NAALADL2: variants seen among roughly 807,000 people sequenced by gnomAD.
NAALADL2 encodes N-acetylated alpha-linked acidic dipeptidase like 2, also known as inactive N-acetylated-alpha-linked acidic dipeptidase-like protein 2.
Under a neutral mutation model 87.2 loss-of-function variants are expected in NAALADL2, and 76 were observed. The observed-to-expected ratio is 0.87, with a 90% CI of 0.72 to 1.05. NAALADL2 has a LOEUF of 1.05. NAALADL2 is among the 50% of genes least tolerant of loss of function. The pLI, the probability that NAALADL2 is intolerant of heterozygous loss-of-function variation, is 0.00. For missense variants in NAALADL2, 1,089 were observed against 945.8 expected (o/e 1.15, Z -1.99); for synonymous variants, 354 against 331.0 (o/e 1.07, Z -0.75).
At chr3:174,754,288 C>G (rs1031640488) in intron 3 of NAALADL2, among the ~76,000 whole-genome samples, 14 of 151,782 alleles carry the variant, frequency 9.2e-5, no homozygotes, top group African/African-American at 3.4e-4. Context: ...GAAGGTTACA[C>G]AGAAGTATAA....
At chr3:174,902,284 T>G (rs1206146809) in intron 1 of NAALADL2, among the ~76,000 whole-genome samples, 1 of 152,162 alleles carries the variant, frequency 6.6e-6, no homozygotes, top group African/African-American at 2.4e-5. Context: ...ACCCTCTATT[T>G]ATAAATTTCT....
intron 2 of NAALADL2, among the ~76,000 whole-genome samples, chr3:174,624,758 A>G (rs1721386873): frequency 6.6e-6 from 1 of 152,180 alleles, no homozygotes; most frequent in Non-Finnish European, 1.5e-5. Context: ...TTTCATTTGT[A>G]ACTTTGAAAG....
chr3:174,679,787 A>G (rs1422550747), intron 2 of NAALADL2, among the ~76,000 whole-genome samples: 1 of 152,212 alleles, frequency 6.6e-6, no homozygotes, highest in Non-Finnish European at 1.5e-5. Context: ...ATATATTGCA[A>G]AATATTAATT....
chr3:174,604,754 T>C (rs1718818834), intron 2 of NAALADL2, among the ~76,000 whole-genome samples: 1 of 151,800 alleles, frequency 6.6e-6, no homozygotes, highest in Non-Finnish European at 1.5e-5. Context: ...GTTTTGTTCT[T>C]TTCTTTTCTT....
At chr3:175,594,270 T>G (rs910374419) in intron 10 of NAALADL2, among the ~76,000 whole-genome samples, 8 of 152,174 alleles carry the variant, frequency 5.3e-5, no homozygotes, top group African/African-American at 1.7e-4. Flanking sequence ...TGTTCCTGCA[T>G]TAATTCATTT....
Position 175,617,672 on chromosome 3 carries a change from GT to G in NAALADL2, c.1801-9618del, listed in dbSNP as rs1295311810. On this transcript the variant is annotated intron_variant, in intron 10 of 13. Transcript: ENST00000454872. Reference sequence around the variant, plus strand: ...GTGGCCACTTTCAGAGCACTATCTGGTCCTATGGCCTGTTTCTGTAGCTTCC... The same window carrying G: ...GTGGCCACTTTCAGAGCACTATCTGGCCTATGGCCTGTTTCTGTAGCTTCC... Among the ~76,000 whole-genome samples the G allele has an allele frequency of 4.6e-5, 7 of 152,130 alleles. 1 individual carries two copies. Among genetic ancestry groups the G allele is most frequent in the Non-Finnish European group, 2.9e-5 (2 of 68,018 alleles).
At chr3:175,618,010 C>T (rs1560858409) in intron 10 of NAALADL2, among the ~76,000 whole-genome samples, 1 of 152,188 alleles carries the variant, frequency 6.6e-6, no homozygotes, top group African/African-American at 2.4e-5. Context: ...TAAGGCTCAT[C>T]CCCTTCCTTG....
At chr3:174,980,239 T>A (rs139075922) in intron 1 of NAALADL2, among the ~76,000 whole-genome samples, 10 of 152,378 alleles carry the variant, frequency 6.6e-5, no homozygotes, top group Non-Finnish European at 1.3e-4. Context: ...AGGCAGAGAC[T>A]ATTTTATTCA....
At chr3:175,434,073 T>G (rs1718233614) in intron 5 of NAALADL2, among the ~76,000 whole-genome samples, 2 of 151,992 alleles carry the variant, frequency 1.3e-5, no homozygotes, top group Admixed American at 1.3e-4. Flanking sequence ...AAATTAATTT[T>G]AATAATATTG....
chr3:174,794,033 G>A (rs1454958953), intron 3 of NAALADL2, among the ~76,000 whole-genome samples: 4 of 152,014 alleles, frequency 2.6e-5, no homozygotes, highest in Non-Finnish European at 5.9e-5. Context: ...TCCATTACAA[G>A]TACAGTTGCT....
intron 2 of NAALADL2, among the ~76,000 whole-genome samples, chr3:174,588,991 C>T (rs1457615118): frequency 1.3e-5 from 2 of 152,136 alleles, no homozygotes; most frequent in Admixed American, 6.5e-5. Context: ...TCTACAGAGG[C>T]AGGCAGGCCT....
chr3:175,285,590 A>G (rs1469108841), intron 4 of NAALADL2, among the ~76,000 whole-genome samples: 1 of 152,146 alleles, frequency 6.6e-6, no homozygotes, highest in Admixed American at 6.5e-5. Context: ...AAGAAATAAT[A>G]ATGTAATTTT....
chr3:175,197,737 C>T (rs914590434), intron 2 of NAALADL2, among the ~76,000 whole-genome samples: 2 of 151,968 alleles, frequency 1.3e-5, no homozygotes, highest in African/African-American at 4.8e-5. Flanking sequence ...CAGAAACAGA[C>T]TGTGTGACAA....
intron 2 of NAALADL2, among the ~76,000 whole-genome samples, chr3:175,157,754 G>C (rs1271055133): frequency 6.6e-6 from 1 of 151,986 alleles, no homozygotes; most frequent in Non-Finnish European, 1.5e-5. Flanking sequence ...TAACTAGAAA[G>C]TTATCTCGTA....
intron 1 of NAALADL2, among the ~76,000 whole-genome samples, chr3:174,978,172 C>T (rs895842614): frequency 1.3e-5 from 2 of 152,304 alleles, no homozygotes; most frequent in South Asian, 2.1e-4. Context: ...TAAGTCTGGG[C>T]TCTTAGCACT....
chr3:174,571,257 T>C (rs1276384672), intron 2 of NAALADL2, among the ~76,000 whole-genome samples: 2 of 152,128 alleles, frequency 1.3e-5, no homozygotes, highest in African/African-American at 2.4e-5. Context: ...TGGGGTAAAC[T>C]AAAAAACAGA....
At chr3:175,202,674 A>G (rs1461394386) in intron 2 of NAALADL2, among the ~76,000 whole-genome samples, 1 of 152,090 alleles carries the variant, frequency 6.6e-6, no homozygotes, top group Non-Finnish European at 1.5e-5. Flanking sequence ...GCAGGTCCCT[A>G]GAACTCCCAA....
intron 1 of NAALADL2, among the ~76,000 whole-genome samples, chr3:174,909,099 A>C (rs78839320): frequency 6.6e-6 from 1 of 152,058 alleles, no homozygotes; most frequent in Non-Finnish European, 1.5e-5. Flanking sequence ...GTATTAGCTA[A>C]ATTTATAGGC....
chr3:174,544,860 C>T (rs1399133037), intron 1 of NAALADL2, among the ~76,000 whole-genome samples: 1 of 151,906 alleles, frequency 6.6e-6, no homozygotes, highest in Non-Finnish European at 1.5e-5. Context: ...TGAGCCACCA[C>T]ACCTAGCCTC....
Sources: allele counts gnomAD v4.1 joint callset (sites outside exome capture counted in the v4.1 genomes callset), GRCh38; gene constraint gnomAD v4.1.1; transcripts MANE v1.5; gene names NCBI Gene and HGNC (gene_info 2026-07-23, HGNC 2026-07-21).